The following MTCL1 variants were observed in gnomAD, a reference collection of about 807,000 sequenced individuals.
MTCL1 encodes the protein microtubule crosslinking factor 1, also known as microtubule cross-linking factor 1.
In MTCL1, 79 loss-of-function variants were observed where a neutral mutation model predicts 141.4. The observed-to-expected ratio is 0.56, with a 90% CI of 0.47 to 0.67. MTCL1 has a LOEUF of 0.67. MTCL1 is among the 30% of genes least tolerant of loss of function. MTCL1 has a pLI of 0.00. For missense variants in MTCL1, 2,177 were observed against 2,113.9 expected, an observed-to-expected ratio of 1.03 and a Z score of -0.59; for synonymous variants, 914 against 875.8, an observed-to-expected ratio of 1.04 and a Z score of -0.77.
At chr18:8,831,515 A>T in intron 16 of MTCL1, 92 bp from the exon 15 acceptor site, 2 of 1,502,128 alleles carry the variant, frequency 1.3e-6, no homozygotes, top group Non-Finnish European at 1.8e-6. Context: ...ACTTCATCTC[A>T]CTTGAGTCTG....
intron 4 of MTCL1, among the ~76,000 whole-genome samples, chr18:8,740,269 TC>T (rs2096295433): frequency 1.3e-5 from 2 of 152,182 alleles, no homozygotes; most frequent in Admixed American, 1.3e-4. Flanking sequence ...TTAATCAAAA[TC>T]CAGTCTTTAG....
intron 9 of MTCL1, among the ~76,000 whole-genome samples, chr18:8,796,705 G>A (rs1228745954): frequency 6.6e-6 from 1 of 152,164 alleles, no homozygotes; most frequent in East Asian, 1.9e-4. Context: ...TATAACAGAA[G>A]TAACGTTACA....
At chr18:8,745,582 T>C (rs376681643) in intron 4 of MTCL1, among the ~76,000 whole-genome samples, 3 of 152,206 alleles carry the variant, frequency 2.0e-5, no homozygotes, top group African/African-American at 7.2e-5. Context: ...GTTTTTGTTA[T>C]TACAAAACAT....
At chr18:8,708,946 T>C (rs902366484) in intron 1 of MTCL1, among the ~76,000 whole-genome samples, 2 of 152,186 alleles carry the variant, frequency 1.3e-5, no homozygotes, top group Non-Finnish European at 2.9e-5. Flanking sequence ...CGTGTATGCA[T>C]GTGAGGTACT....
At chr18:8,785,027 T>A (rs533965124) in intron 6 of MTCL1, among the ~76,000 whole-genome samples, 184 bp downstream of exon 5, 1 of 151,968 alleles carries the variant, frequency 6.6e-6, no homozygotes, top group Admixed American at 6.6e-5. Flanking sequence ...TTTTGTTTTT[T>A]TTTTTTTTAA....
At chr18:8,808,705 G>A (rs759390918) in intron 11 of MTCL1, among the ~76,000 whole-genome samples, 11 of 152,200 alleles carry the variant, frequency 7.2e-5, no homozygotes, top group Non-Finnish European at 1.2e-4. Context: ...TGGAGCCCAC[G>A]TTGATGACAC....
chr18:8,798,270 C>G (rs2075994592), exon 10 of MTCL1: 1 of 1,562,222 alleles, frequency 6.4e-7, no homozygotes, highest in African/African-American at 1.4e-5. Context: ...AGACCGCGGA[C>G]AGGGGACAGC....
At chr18:8,802,277 C>T (rs184395322) in intron 10 of MTCL1, 2 of 152,332 alleles carry the variant, frequency 1.3e-5, no homozygotes, top group East Asian at 3.9e-4. Context: ...GTCAAGGAGC[C>T]TGAATAAACG....
In MTCL1 at chr18:8,727,852, T is replaced by TTCTTTCTC. The variant is rs57928718; in HGVS notation, c.357+7359_357+7360insTTCTCTCT. Among the ~76,000 whole-genome samples, 976 of 135,408 alleles carry TTCTTTCTC rather than the reference T, an allele frequency of 7.2e-3. 9 individuals are homozygous for TTCTTTCTC. The highest frequency in any genetic ancestry group is 0.015 in the African/African-American group (448 of 30,888). 88.8% of individuals were successfully genotyped at this position (135,408 alleles called of 152,430 possible). ...GTTCTTTATTTTCCCTGCTTGCTCC[T>TTCTTTCTC]TCTCTCTCTCTCTCTCTCTCTCCCT... On this transcript the variant is annotated intron_variant, in intron 4 of 16. Coordinates refer to ENST00000359865, the Ensembl canonical transcript of MTCL1.
chr18:8,797,193 G>A (rs1439435470), intron 9 of MTCL1, among the ~76,000 whole-genome samples: 1 of 152,192 alleles, frequency 6.6e-6, no homozygotes, highest in Admixed American at 6.5e-5. Context: ...TTGCTGGTGT[G>A]TAAAAGCTGG....
chr18:8,829,571 A>T (rs1364449864), intron 16 of MTCL1: 1 of 984,510 alleles, frequency 1.0e-6, no homozygotes, highest in Non-Finnish European at 1.2e-6. Flanking sequence ...ACCTTCCCTC[A>T]GAATTGCTTT....
chr18:8,785,331 C>G (rs923160934), intron 6 of MTCL1, among the ~76,000 whole-genome samples: 39 of 152,328 alleles, frequency 2.6e-4, no homozygotes, highest in Non-Finnish European at 2.9e-4. Context: ...GTCCAAGGCC[C>G]TAGGCAGCCC....
chr18:8,825,190 A>C, exon 15 of MTCL1: 1 of 1,583,542 alleles, frequency 6.3e-7, no homozygotes, highest in Non-Finnish European at 8.6e-7. Flanking sequence ...GGAGACACCA[A>C]GGGAGGCCCT....
At chr18:8,746,997 C>G (rs2096342236) in intron 4 of MTCL1, among the ~76,000 whole-genome samples, 1 of 152,194 alleles carries the variant, frequency 6.6e-6, no homozygotes, top group South Asian at 2.1e-4. Context: ...TCCACCCACA[C>G]TGAGCATCGT....
intron 14 of MTCL1, 97 bp from the exon 14 acceptor site, chr18:8,824,602 C>A: frequency 9.2e-7 from 1 of 1,086,306 alleles, no homozygotes; most frequent in Non-Finnish European, 1.3e-6. Flanking sequence ...CAGCGGGTGC[C>A]TTCACTGACA....
intron 3 of MTCL1, among the ~76,000 whole-genome samples, chr18:8,718,962 T>A (rs525159): frequency 0.78 from 118,163 of 151,000 alleles, 46,719 homozygotes; most frequent in East Asian, 0.95. Context: ...ATATTTTTTT[T>A]AAAAATCTAT....
intron 7 of MTCL1, chr18:8,787,037 A>G (rs1226956256): frequency 1.9e-5 from 3 of 154,960 alleles, no homozygotes; most frequent in East Asian, 1.9e-4. Context: ...TGTGTCACAC[A>G]TAGCTGTGTG....
chr18:8,714,374 A>G (rs949658867), upstream of MTCL1, among the ~76,000 whole-genome samples: 1 of 152,196 alleles, frequency 6.6e-6, no homozygotes, highest in Non-Finnish European at 1.5e-5. Context: ...AAATTTAGGT[A>G]AAATATGAAT....
Position 8,786,086 on chromosome 18 carries a change from C to T in MTCL1, c.1882C>T (p.Leu628=), listed in dbSNP as rs958128691. The change falls in exon 7 of 17, where the codon CTG becomes TTG. Residue 628 remains leucine, a synonymous_variant. Coordinates refer to ENST00000359865, the Ensembl canonical transcript of MTCL1. ...GCTGGGAGGCCAGACCTGCTTCAGC[C>T]TGGAGGTCAGCGTGGGCAAGCAATC... is the stretch of plus-strand genomic sequence containing the variant. 7.0e-6 allele frequency: 11 copies of T among 1,564,124 alleles called. No homozygotes were observed. The African/African-American group carries it at 9.5e-5, about 14-fold the overall frequency.
Sources: gnomAD v4.1 joint callset for allele counts (sites outside exome capture counted in the v4.1 genomes callset) on GRCh38, gnomAD v4.1.1 for gene constraint, MANE v1.5 for transcripts, NCBI Gene and HGNC (gene_info 2026-07-23, HGNC 2026-07-21) for gene names.